IQSEC3: variants seen among roughly 807,000 people sequenced by gnomAD.
The protein encoded by IQSEC3 is IQ motif and SEC7 domain-containing protein 3.
Under a neutral mutation model 105.4 loss-of-function variants are expected in IQSEC3, and 50 were observed. The ratio of observed to expected loss-of-function variants is 0.47; its 90% CI spans 0.38 to 0.60. The LOEUF (loss-of-function observed/expected upper bound fraction) is 0.60. IQSEC3 is among the 20% of genes least tolerant of loss of function. The pLI is 0.00. For synonymous variants in IQSEC3, 708 were observed against 746.0 expected, an observed-to-expected ratio of 0.95 and a Z score of 0.83; for missense variants, 1,415 against 1,630.0, an observed-to-expected ratio of 0.87 and a Z score of 2.27.
At chr12:80,810 A>T (rs1369660294) in intron 1 of IQSEC3, among the ~76,000 whole-genome samples, 1 of 152,170 alleles carries the variant, frequency 6.6e-6, no homozygotes, top group Non-Finnish European at 1.5e-5. Flanking sequence ...CCCTGGGGAG[A>T]CAGCACCTGA....
chr12:165,804 T>G lies in IQSEC3; in HGVS notation c.2885T>G (p.Leu962Arg). 3 of 1,614,056 alleles carry G rather than the reference T, an allele frequency of 1.9e-6. No homozygotes were observed. The highest frequency in any genetic ancestry group is 2.5e-6 in the Non-Finnish European group (3 of 1,180,036). Residue 962 changes from leucine (L) to arginine (R), a missense_variant, in exon 11 of 14, where the codon CTG becomes CGG. Leu to Arg is a moderately radical substitution (Grantham distance 102). Coordinates refer to ENST00000538872, the MANE Select transcript of IQSEC3 (RefSeq NM_001170738.2). The stretch of plus-strand genomic sequence containing the variant: ...AAGCAGGTGCTGCATTTCTGTGCCC[T>G]GGGCTCGGACGAGATGCAGAAGTTC... ...EKKQVLHFCA[L>R]GSDEMQKFVE... is the part of the protein sequence containing the mutation.
chr12:147,715 G>A (rs777379663), intron 5 of IQSEC3: 4 of 152,210 alleles, frequency 2.6e-5, no homozygotes, highest in South Asian at 2.1e-4. Context: ...CCTGGCCAGC[G>A]GCAGAGAAAT....
At position 152,709 on chromosome 12, in the gene IQSEC3, A is replaced by G. The variant is rs1182887162; in HGVS notation, c.2154-4316A>G. On this transcript the variant is annotated intron_variant, in intron 5 of 13. Transcript: ENST00000538872. The surrounding 1 kb of genome is among the most constrained non-coding windows in gnomAD (Gnocchi z 4.8). ...GGGACCTCCCTGCCACCCCACACAC[A>G]CACAGGAGTGAAGAGAAGAGAGCCC... Among the ~76,000 whole-genome samples, 1 of 152,128 alleles carries G rather than the reference A, an allele frequency of 6.6e-6. No individual in the cohort carries two copies. Among genetic ancestry groups the G allele is most frequent in the African/African-American group, 2.4e-5 (1 of 41,428 alleles).
At chr12:73,626 C>T (rs1269987954) in intron 1 of IQSEC3, among the ~76,000 whole-genome samples, 3 of 152,006 alleles carry the variant, frequency 2.0e-5, no homozygotes, top group Non-Finnish European at 4.4e-5. Flanking sequence ...GCTGAGATTG[C>T]GCCACTGCAC....
At chr12:114,831 G>A (rs1189491991) in intron 2 of IQSEC3, among the ~76,000 whole-genome samples, 1 of 152,226 alleles carries the variant, frequency 6.6e-6, no homozygotes, top group Non-Finnish European at 1.5e-5. Context: ...CCCATGCCAG[G>A]ATCTCTAAGG....
chr12:135,134 A>G (rs1202752720), intron 3 of IQSEC3, among the ~76,000 whole-genome samples: 4 of 150,538 alleles, frequency 2.7e-5, no homozygotes, highest in African/African-American at 9.8e-5. Context: ...CATCTCAAAG[A>G]AAAAAAAAAG....
At chr12:98,111 T>G (rs1009380661) in intron 1 of IQSEC3, among the ~76,000 whole-genome samples, 6 of 152,218 alleles carry the variant, frequency 3.9e-5, no homozygotes, top group Admixed American at 2.0e-4. Flanking sequence ...CTTCCAGGTT[T>G]GACATTCTCT....
chr12:146,660 GAAGA>G (rs368692337), intron 5 of IQSEC3, among the ~76,000 whole-genome samples: 5 of 138,750 alleles, frequency 3.6e-5, no homozygotes, highest in African/African-American at 1.3e-4. Context: ...TCTCAAAAAA[GAAGA>G]AAGAAAGAGA....
intron 7 of IQSEC3, among the ~76,000 whole-genome samples, chr12:160,373 C>T (rs781892632): frequency 6.6e-6 from 1 of 152,034 alleles, no homozygotes; most frequent in Non-Finnish European, 1.5e-5. Flanking sequence ...ACCGGGAGAC[C>T]CTACTGCAGT....
intron 5 of IQSEC3, chr12:143,883 C>A: frequency 6.4e-6 from 1 of 156,714 alleles, no homozygotes. Context: ...GCATGGCTCA[C>A]AGTCTCAGGG....
intron 5 of IQSEC3, among the ~76,000 whole-genome samples, chr12:145,676 G>A (rs530087625): frequency 6.6e-6 from 1 of 152,374 alleles, no homozygotes; most frequent in South Asian, 2.1e-4. Context: ...TGGCAGGCCA[G>A]CGGCAGGAGC....
intron 5 of IQSEC3, among the ~76,000 whole-genome samples, chr12:146,368 C>T (rs1373327941): frequency 6.6e-6 from 1 of 152,220 alleles, no homozygotes; most frequent in Non-Finnish European, 1.5e-5. Context: ...GTGGTCGCAG[C>T]ACTTTGGGAG....
chr12:68,501 A>G (rs1555066631), intron 1 of IQSEC3, among the ~76,000 whole-genome samples: 2 of 152,198 alleles, frequency 1.3e-5, no homozygotes, highest in South Asian at 4.1e-4. Context: ...TATGGGAAGA[A>G]GATATGAAAG....
At chr12:102,607 C>T (rs1337832785) in intron 2 of IQSEC3, among the ~76,000 whole-genome samples, 6 of 152,196 alleles carry the variant, frequency 3.9e-5, no homozygotes, top group South Asian at 2.1e-4. Flanking sequence ...TCACCCCTCC[C>T]GAAGAGGCAG....
chr12:128,683 T>C (rs1313752599), intron 3 of IQSEC3, among the ~76,000 whole-genome samples: 1 of 152,038 alleles, frequency 6.6e-6, no homozygotes, highest in Non-Finnish European at 1.5e-5. Context: ...AATCCCACCC[T>C]CTCTTGCCTT....
intron 2 of IQSEC3, among the ~76,000 whole-genome samples, chr12:112,331 C>T (rs529828443): frequency 2.6e-5 from 4 of 151,974 alleles, no homozygotes; most frequent in East Asian, 3.9e-4. Context: ...TGGGGGAGGC[C>T]GAGAAGCAGG....
chr12:158,448 G>A (rs1413091084), intron 7 of IQSEC3, among the ~76,000 whole-genome samples: 2 of 152,138 alleles, frequency 1.3e-5, no homozygotes, highest in Non-Finnish European at 1.5e-5. Context: ...TTTGATGAAT[G>A]TGTACGGTCA....
At chr12:140,848 G>A (rs891779486) in intron 4 of IQSEC3, 4 of 408,430 alleles carry the variant, frequency 9.8e-6, no homozygotes, top group Non-Finnish European at 1.3e-5. Context: ...GGGCAGGACT[G>A]GGGTAAGACC....
intron 5 of IQSEC3, among the ~76,000 whole-genome samples, chr12:150,134 G>A (rs545596477): frequency 7.9e-5 from 12 of 152,286 alleles, no homozygotes; most frequent in African/African-American, 2.6e-4. Context: ...CAGAGCCCAG[G>A]GCCGTGGAGA....
Sources: gnomAD v4.1 joint callset for allele counts (sites outside exome capture counted in the v4.1 genomes callset) on GRCh38, gnomAD v4.1.1 for gene constraint, Gnocchi (gnomAD v3.1) non-coding constraint, MANE v1.5 for transcripts, NCBI Gene and HGNC (gene_info 2026-07-23, HGNC 2026-07-21) for gene names.